The following DNAH3 variants were observed in gnomAD, a reference collection of about 807,000 sequenced individuals.
DNAH3 encodes dynein axonemal heavy chain 3, also known as axonemal beta dynein heavy chain 3.
Under a neutral mutation model 432.5 loss-of-function variants are expected in DNAH3, and 332 were observed. That is an observed-to-expected ratio of 0.77 (90% CI 0.70 to 0.84). DNAH3 has a LOEUF of 0.84. DNAH3 is among the 40% of genes least tolerant of loss of function. The pLI, the probability that DNAH3 is intolerant of heterozygous loss-of-function variation, is 0.00. For missense variants in DNAH3, 4,861 were observed against 5,114.0 expected (o/e 0.95, Z 1.51); for synonymous variants, 1,956 against 1,900.2 (o/e 1.03, Z -0.76).
rs536430387 is a variant in DNAH3, at chr16:21,000,170, T to A, written c.6421+54A>T. ...ACCACAAGCAGAAGCTATAGTTTGC[T>A]GCAGCTTATGGTGGAAGAATCTGGT... is the stretch of plus-strand genomic sequence containing the variant. On this transcript the variant is annotated intron_variant, in intron 43 of 61. Coordinates refer to ENST00000261383, the Ensembl canonical transcript of DNAH3. 4 of 1,569,608 alleles carry A rather than the reference T, an allele frequency of 2.5e-6. No homozygotes were observed. In the Admixed American group the frequency reaches 7.0e-5, roughly 27 times the overall value.
At chr16:21,001,854 T>C (rs1181788287) in intron 42 of DNAH3, among the ~76,000 whole-genome samples, 4 of 152,184 alleles carry the variant, frequency 2.6e-5, no homozygotes, top group African/African-American at 7.2e-5. Flanking sequence ...TCATAGATGT[T>C]TATTTTCAGG....
intron 44 of DNAH3, among the ~76,000 whole-genome samples, chr16:20,989,007 C>A (rs140454475): frequency 6.6e-6 from 1 of 152,294 alleles, no homozygotes; most frequent in East Asian, 1.9e-4. Context: ...GGGAGTGTTA[C>A]AGCTCATAAA....
chr16:21,132,777 T>C (rs896765003), intron 7 of DNAH3, among the ~76,000 whole-genome samples: 4 of 152,146 alleles, frequency 2.6e-5, no homozygotes, highest in African/African-American at 7.2e-5. Flanking sequence ...GGGTTTCTTT[T>C]TGGGGTAATG....
exon 41 of DNAH3, chr16:21,019,756 C>G (rs1009288854): frequency 1.9e-6 from 3 of 1,614,052 alleles, no homozygotes; most frequent in African/African-American, 2.7e-5. Context: ...ATGGTGCCAG[C>G]CACGGTCCAC....
intron 35 of DNAH3, among the ~76,000 whole-genome samples, chr16:21,034,776 G>A (rs79033998): frequency 2.9e-4 from 44 of 152,300 alleles, no homozygotes; most frequent in Non-Finnish European, 5.1e-4. Context: ...TAGTGACAAC[G>A]GGAGTGGTAG....
chr16:21,014,541 G>A (rs2087768649), intron 41 of DNAH3, among the ~76,000 whole-genome samples: 1 of 152,160 alleles, frequency 6.6e-6, no homozygotes, highest in South Asian at 2.1e-4. Context: ...CTAAGACTGG[G>A]AGCAAGATAA....
chr16:21,070,713 G>T lies in DNAH3; in HGVS notation c.3198C>A (p.Cys1066Ter). 1 of 1,599,734 alleles carries T rather than the reference G, an allele frequency of 6.3e-7. No individual in the cohort carries two copies. The highest frequency in any genetic ancestry group is 8.6e-7 in the Non-Finnish European group (1 of 1,167,238). Reference sequence around the variant, plus strand: ...ATTCAACTTCATTTCCTCTTACCCGGCATTCTGCTTCTATTGGTTTGATGA... The same window carrying T: ...ATTCAACTTCATTTCCTCTTACCCGTCATTCTGCTTCTATTGGTTTGATGA... The change falls in exon 22 of 62, where the codon TGC (cysteine) becomes TGA (stop). Residue 1066 changes from cysteine (C) to a stop codon, truncating the protein, a stop_gained. Transcript: ENST00000261383. LOFTEE classifies it high-confidence loss of function.
chr16:20,983,541 C>A (rs896276082), intron 48 of DNAH3, among the ~76,000 whole-genome samples: 1 of 152,050 alleles, frequency 6.6e-6, no homozygotes, highest in African/African-American at 2.4e-5. Context: ...TGCTGATACA[C>A]GGGAGCCATA....
At chr16:20,944,637 G>T in exon 58 of DNAH3, 1 of 1,614,074 alleles carries the variant, frequency 6.2e-7, no homozygotes, top group African/African-American at 1.3e-5. Flanking sequence ...CTGTGATGGG[G>T]AGATTCCTGA....
chr16:21,102,681 G>C (rs2091864003), intron 16 of DNAH3, among the ~76,000 whole-genome samples: 1 of 152,014 alleles, frequency 6.6e-6, no homozygotes, highest in Non-Finnish European at 1.5e-5. Context: ...TAACAAACCT[G>C]CACATGTACT....
In DNAH3 at chr16:20,968,648, CTCTT is replaced by C. The variant is rs541163930; in HGVS notation, c.8458+1140_8458+1143del. On this transcript the variant is annotated intron_variant, in intron 52 of 61. Transcript: ENST00000261383. ...CCCGTTTCTAATTCTCTGTATCCTCCTCTTTCTCTTTCTTTGTTCATCTGTCCCT... is the reference window on the plus strand; with the variant it reads ...CCCGTTTCTAATTCTCTGTATCCTCCTCTCTTTCTTTGTTCATCTGTCCCT... Among the ~76,000 whole-genome samples the C allele has an allele frequency of 1.3e-4, 20 of 151,904 alleles. No individual in the cohort carries two copies. The East Asian group carries it at 3.5e-3, about 26-fold the overall frequency.
At chr16:20,969,913 C>T (rs767917600) in exon 52 of DNAH3, 8 of 1,614,008 alleles carry the variant, frequency 5.0e-6, no homozygotes, top group East Asian at 2.2e-5. Context: ...AGATGTCGGC[C>T]GGGTTCAGGG....
chr16:20,941,388 T>A lies in DNAH3; in HGVS notation c.11654+13A>T, dbSNP rs1434595371. On this transcript the variant is annotated intron_variant, in intron 59 of 61. Transcript: ENST00000261383. ...TCCAACTCCCAGGATTCAAGCTACA[T>A]CATCTGGCCCACCTGTTGAATCTGA... The A allele has an allele frequency of 3.1e-6, 5 of 1,613,530 alleles. No individual in the cohort carries two copies. The highest frequency in any genetic ancestry group is 3.4e-6 in the Non-Finnish European group (4 of 1,179,800).
chr16:21,097,354 C>T lies in DNAH3; in HGVS notation c.2665+1G>A. ...CCCAGCAGAGTGAGATCACCACATACCATTCATCCATTCCTCTGACTTGAT... is the reference window on the plus strand; with the variant it reads ...CCCAGCAGAGTGAGATCACCACATATCATTCATCCATTCCTCTGACTTGAT... On this transcript the variant is annotated splice_donor_variant, in intron 18 of 61. Coordinates refer to ENST00000261383, the Ensembl canonical transcript of DNAH3. LOFTEE classifies it high-confidence loss of function. 6.2e-7 allele frequency: 1 copy of T among 1,613,512 alleles called. No individual in the cohort carries two copies. Among genetic ancestry groups the T allele is most frequent in the Non-Finnish European group, 8.5e-7 (1 of 1,179,902 alleles).
rs200400937 is a variant in DNAH3, at chr16:20,935,430, G to A, written c.11915C>T (p.Thr3972Ile). The change falls in exon 61 of 62, where the codon ACA becomes ATA. Residue 3972 changes from threonine (T) to isoleucine (I), a missense_variant. Physicochemically the swap from Thr to Ile is moderately conservative, Grantham distance 89 (BLOSUM62 -1). Transcript: ENST00000261383. ...AGAGACGCCAGTCAAAAAAGACTGT[G>A]TGAAGTAGAATCCAGAGATCCAAAA... 9 of 1,613,236 alleles carry A rather than the reference G, an allele frequency of 5.6e-6. No individual in the cohort carries two copies. The African/African-American group carries it at 1.1e-4, about 19-fold the overall frequency.
chr16:21,084,150 T>C (rs1478422523), intron 19 of DNAH3, among the ~76,000 whole-genome samples: 1 of 152,142 alleles, frequency 6.6e-6, no homozygotes, highest in Non-Finnish European at 1.5e-5. Flanking sequence ...GTCTCAGTTT[T>C]CCAATCCGTG....
At chr16:20,954,820 G>A (rs1336839743) in exon 55 of DNAH3, 1 of 1,614,046 alleles carries the variant, frequency 6.2e-7, no homozygotes, top group Non-Finnish European at 8.5e-7. Context: ...TACCTAGGGG[G>A]CCGAAGTTTC....
In DNAH3 at chr16:20,993,347, A is replaced by G. The variant is rs1335304936; in HGVS notation, c.6601+3936T>C. ...TCCATTTAGTCTTAGTTCAACAAAT[A>G]ACCATATATTTAATGCTTACTACTA... On this transcript the variant is annotated intron_variant, in intron 44 of 61. Coordinates refer to ENST00000261383, the Ensembl canonical transcript of DNAH3. Among the ~76,000 whole-genome samples the G allele has an allele frequency of 2.6e-5, 4 of 152,194 alleles. No individual in the cohort carries two copies. In the East Asian group the frequency reaches 7.7e-4, roughly 29 times the overall value.
At chr16:21,131,877 GGAGA>G (rs1271921682) in intron 7 of DNAH3, among the ~76,000 whole-genome samples, 2 of 149,644 alleles carry the variant, frequency 1.3e-5, no homozygotes, top group Non-Finnish European at 3.0e-5. Flanking sequence ...AAAAAAAGGG[GGAGA>G]GAAAGAAAGG....
Sources: allele counts gnomAD v4.1 joint callset (sites outside exome capture counted in the v4.1 genomes callset), GRCh38; gene constraint gnomAD v4.1.1; transcripts MANE v1.5; gene names NCBI Gene and HGNC (gene_info 2026-07-23, HGNC 2026-07-21).